KATNAL1: variants seen among roughly 807,000 people sequenced by gnomAD.
KATNAL1 encodes the protein katanin catalytic subunit A1 like 1, also known as katanin p60 ATPase-containing subunit A-like 1.
Under a neutral mutation model 55.2 loss-of-function variants are expected in KATNAL1, and 32 were observed. The observed-to-expected ratio is 0.58, with a 90% CI of 0.44 to 0.78. The LOEUF is 0.78. Ranked by LOEUF, KATNAL1 falls within the 30% of genes least tolerant of loss-of-function variation. The pLI is 0.00. For synonymous variants in KATNAL1, 193 were observed against 193.6 expected (o/e 1.00, Z 0.02); for missense variants, 466 against 600.9 (o/e 0.78, Z 2.35).
At chr13:30,238,542 TC>T (rs1460958807) in intron 6 of KATNAL1, among the ~76,000 whole-genome samples, 1 of 152,212 alleles carries the variant, frequency 6.6e-6, no homozygotes, top group East Asian at 1.9e-4. Context: ...CCCTCTAAGT[TC>T]CTACATCTCC....
chr13:30,213,951 G>C (rs973165834), intron 9 of KATNAL1, among the ~76,000 whole-genome samples: 55 of 152,158 alleles, frequency 3.6e-4, no homozygotes, highest in Middle Eastern at 3.4e-3. Context: ...AGGAAATAAA[G>C]GGTATTCAAT....
At chr13:30,215,109 C>T (rs377653460) in intron 9 of KATNAL1, among the ~76,000 whole-genome samples, 19 of 150,994 alleles carry the variant, frequency 1.3e-4, no homozygotes, top group South Asian at 6.3e-4. Flanking sequence ...AAAAAGTGGG[C>T]GAAGGACATG....
chr13:30,305,079 T>A (rs79864581), intron 1 of KATNAL1, among the ~76,000 whole-genome samples: 6,642 of 152,312 alleles, frequency 0.044, 222 homozygotes, highest in Non-Finnish European at 0.066. Context: ...CTGTAATGTT[T>A]CCCCTCCCAG....
chr13:30,235,574 A>T lies in KATNAL1; in HGVS notation c.727-4102T>A, dbSNP rs560626362. On this transcript the variant is annotated intron_variant, in intron 6 of 10. Transcript: ENST00000380615. ...CAAACTATATCCAAACTATAACAGT[A>T]CTATCACATGTCCATGTGATGCAAC... is the stretch of plus-strand genomic sequence containing the variant. Among the ~76,000 whole-genome samples, 6 of 152,374 alleles carry T rather than the reference A, an allele frequency of 3.9e-5. No individual in the cohort carries two copies. The East Asian group carries it at 1.2e-3, about 29-fold the overall frequency.
intron 9 of KATNAL1, among the ~76,000 whole-genome samples, chr13:30,215,697 T>C (rs573761119): frequency 6.6e-6 from 1 of 152,086 alleles, no homozygotes; most frequent in East Asian, 1.9e-4. Flanking sequence ...ACACCGCATG[T>C]TCTCACTCAT....
At chr13:30,270,724 A>G (rs1422411057) in intron 3 of KATNAL1, among the ~76,000 whole-genome samples, 35 of 151,402 alleles carry the variant, frequency 2.3e-4, no homozygotes, top group African/African-American at 8.3e-4. Flanking sequence ...CATGCTCCTT[A>G]AGAGTCATCA....
chr13:30,303,721 T>C (rs1477660189), intron 1 of KATNAL1, among the ~76,000 whole-genome samples: 1 of 152,224 alleles, frequency 6.6e-6, no homozygotes, highest in African/African-American at 2.4e-5. Flanking sequence ...TCTCATATTA[T>C]CTAGTGGAAC....
chr13:30,230,361 G>T, intron 8 of KATNAL1, 107 bp downstream of exon 8: 2 of 980,722 alleles, frequency 2.0e-6, no homozygotes, highest in Non-Finnish European at 2.9e-6. Context: ...ATGGGTGAAT[G>T]AACAAATAAT....
At position 30,296,818 on chromosome 13, in the gene KATNAL1, T is replaced by C. The variant is rs893616191; in HGVS notation, c.-15+10513A>G. 24 of 393,158 alleles carry C rather than the reference T, an allele frequency of 6.1e-5. No individual in the cohort carries two copies. In the Admixed American group the frequency reaches 7.2e-4, roughly 12 times the overall value. The allele number at this position is 393,158 out of a possible 1,614,324, so 24.4% of individuals were successfully genotyped here. A position where few individuals can be genotyped will look rare whatever the true frequency, so the allele number is the denominator to read the frequency against. ...CCTGTGCCCCTACCTAGGTGCCCTG[T>C]GCTGACCCAGGAAAGGCCAGACCTG... On this transcript the variant is annotated intron_variant, in intron 1 of 10. Coordinates refer to ENST00000380615, the MANE Select transcript of KATNAL1 (RefSeq NM_032116.5).
rs186795070 is a variant in KATNAL1 at position 30,207,524 on chromosome 13, C to T, written c.*1016G>A. 6.6e-6 allele frequency: 1 copy of T among 152,246 alleles called. No homozygotes were observed. The highest frequency in any genetic ancestry group is 1.5e-5 in the Non-Finnish European group (1 of 68,008). 9.4% of individuals were successfully genotyped at this position (152,246 alleles called of 1,614,324 possible). A position where few individuals can be genotyped will look rare whatever the true frequency, so the allele number is the denominator to read the frequency against. On this transcript the variant is annotated 3_prime_UTR_variant, in exon 11 of 11. Transcript: ENST00000380615. ...AATGTAAAAGTATTTATCTCAAATA[C>T]TAAAATCAAACTCAAGAAAAATCAA... is the stretch of plus-strand genomic sequence containing the variant.
At chr13:30,274,907 G>GCGCGCGCGCGCACA (rs869107567) in intron 3 of KATNAL1, among the ~76,000 whole-genome samples, 48 of 105,434 alleles carry the variant, frequency 4.6e-4, no homozygotes, top group African/African-American at 6.1e-4. Flanking sequence ...GCGCGCGCGC[G>GCGCGCGCGCGCACA]CACACACACA....
Position 30,255,629 on chromosome 13 carries a change from AAAAAAAAAAATT to A in KATNAL1, c.324-26_324-15del. ...TGAGGTGGAGCTCTGACAAAAAAAA[AAAAAAAAAAATT>A]AAAATTAAAATTAAAATTAATCAAA... On this transcript the variant is annotated splice_polypyrimidine_tract_variant and intron_variant, in intron 3 of 10. Transcript: ENST00000380615. The A allele has an allele frequency of 7.0e-7, 1 of 1,420,966 alleles. No homozygotes were observed. The highest frequency in any genetic ancestry group is 9.2e-7 in the Non-Finnish European group (1 of 1,089,982). 88.0% of individuals were successfully genotyped at this position (1,420,966 alleles called of 1,614,324 possible). A position where few individuals can be genotyped will look rare whatever the true frequency, so the allele number is the denominator to read the frequency against.
At chr13:30,262,075 C>T (rs1302552833) in intron 3 of KATNAL1, among the ~76,000 whole-genome samples, 1 of 151,886 alleles carries the variant, frequency 6.6e-6, no homozygotes, top group African/African-American at 2.4e-5. Flanking sequence ...CACTCAAAAC[C>T]GCTCAACTAC....
At chr13:30,296,292 T>TTG in intron 1 of KATNAL1, 1 of 1,222,822 alleles carries the variant, frequency 8.2e-7, no homozygotes, top group Non-Finnish European at 1.1e-6. Context: ...GACTTCACTT[T>TTG]TGTGTGCCCC....
At chr13:30,214,353 T>C (rs1873998485) in intron 9 of KATNAL1, among the ~76,000 whole-genome samples, 1 of 151,990 alleles carries the variant, frequency 6.6e-6, no homozygotes, top group Non-Finnish European at 1.5e-5. Context: ...CTGCCCAAGG[T>C]AATTTATAGA....
intron 3 of KATNAL1, among the ~76,000 whole-genome samples, chr13:30,273,081 A>G (rs1157430763): frequency 6.6e-6 from 1 of 152,210 alleles, no homozygotes; most frequent in Non-Finnish European, 1.5e-5. Flanking sequence ...TTGCTCCAGC[A>G]GTTGTCCATC....
intron 3 of KATNAL1, among the ~76,000 whole-genome samples, chr13:30,265,144 A>G (rs1288080221): frequency 2.7e-5 from 4 of 148,704 alleles, no homozygotes; most frequent in Non-Finnish European, 6.0e-5. Context: ...AACACCGCAT[A>G]TTCTCACTCA....
chr13:30,305,644 T>C (rs1191117163), intron 1 of KATNAL1, among the ~76,000 whole-genome samples: 4 of 152,234 alleles, frequency 2.6e-5, no homozygotes, highest in African/African-American at 4.8e-5. Flanking sequence ...GAGGATTAAG[T>C]AAGGAGTTGC....
intron 6 of KATNAL1, among the ~76,000 whole-genome samples, chr13:30,237,206 A>G (rs1414785165): frequency 6.6e-6 from 1 of 152,164 alleles, no homozygotes; most frequent in African/African-American, 2.4e-5. Context: ...CATGTGACAC[A>G]AGGTAAATAC....
Sources: gnomAD v4.1 joint callset for allele counts (sites outside exome capture counted in the v4.1 genomes callset) on GRCh38, gnomAD v4.1.1 for gene constraint, MANE v1.5 for transcripts, NCBI Gene and HGNC (gene_info 2026-07-23, HGNC 2026-07-21) for gene names.